PCDHA13: variants seen among roughly 807,000 people sequenced by gnomAD.
PCDHA13 encodes protocadherin alpha 13.
A neutral mutation model predicts 64.8 loss-of-function variants in PCDHA13; 54 were observed. The ratio of observed to expected loss-of-function variants is 0.83; its 90% CI spans 0.67 to 1.04. The LOEUF is 1.04. Ranked by LOEUF, PCDHA13 falls within the 50% of genes least tolerant of loss-of-function variation. PCDHA13 has a pLI of 0.00. For synonymous variants in PCDHA13, 587 were observed against 564.4 expected (o/e 1.04, Z -0.57); for missense variants, 1,248 against 1,254.3 (o/e 0.99, Z 0.08).
At chr5:140,947,647 A>G (rs1192426462) in intron 1 of PCDHA13, among the ~76,000 whole-genome samples, 1 of 151,646 alleles carries the variant, frequency 6.6e-6, no homozygotes, top group African/African-American at 2.4e-5. Flanking sequence ...ATGAACATAT[A>G]TACCTCCATT....
In PCDHA13 at chr5:140,884,346, T is replaced by G. The variant is rs1487079029; in HGVS notation, c.2078T>G (p.Leu693Arg). The G allele has an allele frequency of 6.2e-7, 1 of 1,613,896 alleles. No individual in the cohort carries two copies. Among genetic ancestry groups the G allele is most frequent in the Non-Finnish European group, 8.5e-7 (1 of 1,179,872 alleles). Residue 693 changes from leucine (L) to arginine (R), a missense_variant, in exon 1 of 4, where the codon CTG becomes CGG. Coordinates refer to ENST00000289272, the MANE Select transcript of PCDHA13 (RefSeq NM_018904.3). ...SAGAVGPEAA[L>R]VDVNVYLIIA... ...GGCGCTGTGGGTCCAGAAGCGGCGC[T>G]GGTGGATGTCAATGTTTACTTGATC...
At chr5:140,885,981 G>A (rs536900560) in intron 1 of PCDHA13, among the ~76,000 whole-genome samples, 44 of 151,942 alleles carry the variant, frequency 2.9e-4, no homozygotes, top group African/African-American at 8.4e-4. Context: ...TTATAGATTC[G>A]CATGTGGTTG....
intron 1 of PCDHA13, among the ~76,000 whole-genome samples, chr5:140,907,664 T>G (rs2073522534): frequency 6.6e-6 from 1 of 152,216 alleles, no homozygotes; most frequent in Non-Finnish European, 1.5e-5. Context: ...CAGCAGTGGC[T>G]GTAGCCAGGT....
intron 2 of PCDHA13, among the ~76,000 whole-genome samples, chr5:140,979,370 G>A (rs1247964519): frequency 6.6e-6 from 1 of 150,650 alleles, no homozygotes; most frequent in Non-Finnish European, 1.5e-5. Context: ...TGAGACTTGG[G>A]TACATTGTGC....
intron 1 of PCDHA13, chr5:140,928,173 C>T (rs1554205586): frequency 1.2e-6 from 2 of 1,614,170 alleles, no homozygotes; most frequent in Admixed American, 1.7e-5. Flanking sequence ...CACTTAGCAC[C>T]CGAAGGACAA....
At chr5:140,930,785 A>G (rs1485024316) in intron 1 of PCDHA13, among the ~76,000 whole-genome samples, 1 of 152,248 alleles carries the variant, frequency 6.6e-6, no homozygotes, top group Admixed American at 6.5e-5. Context: ...TTTTCACAAT[A>G]TAATAGAATC....
At chr5:140,907,873 CACTCA>C (rs2073658134) in intron 1 of PCDHA13, among the ~76,000 whole-genome samples, 1 of 152,226 alleles carries the variant, frequency 6.6e-6, no homozygotes, top group Non-Finnish European at 1.5e-5. Context: ...CGTTGGTGAG[CACTCA>C]CATGGGATAC....
chr5:140,945,183 A>G (rs1445694327), intron 1 of PCDHA13, among the ~76,000 whole-genome samples: 6 of 152,160 alleles, frequency 3.9e-5, no homozygotes, highest in Admixed American at 2.6e-4. Context: ...TAAATCAAGA[A>G]AACCATGCTA....
chr5:140,966,990 G>A, intron 1 of PCDHA13: 1 of 1,604,280 alleles, frequency 6.2e-7, no homozygotes, highest in Non-Finnish European at 8.5e-7. Context: ...TTGGGGCCGG[G>A]TTGCTTGCGC....
rs1193708084 is a variant in PCDHA13, at chr5:140,882,956, A to AT, written c.689dup (p.Thr231HisfsTer7). 3.1e-6 allele frequency: 5 copies of AT among 1,614,110 alleles called. No individual in the cohort carries two copies. In the African/African-American group the frequency reaches 6.7e-5, roughly 22 times the overall value. ...GCTGACTGGCACAGTTCAGCTGCTC[A>AT]TCACGATTCTGGACGTGAATGACAA... On this transcript the variant is annotated frameshift_variant, in exon 1 of 4. Transcript: ENST00000289272. LOFTEE classifies it high-confidence loss of function.
At chr5:140,965,903 A>T (rs73793545) in intron 1 of PCDHA13, among the ~76,000 whole-genome samples, 2,475 of 152,308 alleles carry the variant, frequency 0.016, 63 homozygotes, top group African/African-American at 0.056. Context: ...CTTGGATCCC[A>T]GGATGCTGGT....
At chr5:140,926,607 C>T (rs887450914) in intron 1 of PCDHA13, 1 of 348,974 alleles carries the variant, frequency 2.9e-6, no homozygotes, top group Non-Finnish European at 5.1e-6. Context: ...GGCCTCGTCT[C>T]TGCACCCCTA....
intron 1 of PCDHA13, among the ~76,000 whole-genome samples, chr5:140,950,569 T>C (rs969438550): frequency 1.3e-5 from 2 of 152,120 alleles, no homozygotes; most frequent in African/African-American, 2.4e-5. Context: ...TATTTTAAGG[T>C]TTTCTACTTA....
At chr5:140,934,528 G>C (rs782284913) in intron 1 of PCDHA13, among the ~76,000 whole-genome samples, 1 of 152,116 alleles carries the variant, frequency 6.6e-6, no homozygotes, top group African/African-American at 2.4e-5. Flanking sequence ...CACTTCGAGA[G>C]CTACCGTTCT....
chr5:140,955,698 T>C (rs1295764352), intron 1 of PCDHA13, among the ~76,000 whole-genome samples: 2 of 152,218 alleles, frequency 1.3e-5, no homozygotes, highest in South Asian at 2.1e-4. Context: ...TGAATGTCAA[T>C]GGAAGTTTAA....
At chr5:140,971,207 A>C (rs2096463327) in intron 1 of PCDHA13, among the ~76,000 whole-genome samples, 1 of 152,050 alleles carries the variant, frequency 6.6e-6, no homozygotes, top group South Asian at 2.1e-4. Flanking sequence ...AGACACTGTT[A>C]CCCTCCCTCT....
Position 140,928,944 on chromosome 5 carries a change from A to C in PCDHA13, c.2394+44282A>C, listed in dbSNP as rs782627710. The C allele has an allele frequency of 6.2e-6, 10 of 1,614,070 alleles. No homozygotes were observed. In the Admixed American group the frequency reaches 1.7e-4, roughly 27 times the overall value. On this transcript the variant is annotated intron_variant, in intron 1 of 3. Transcript: ENST00000289272. ...AGCTTTCTGCCCAGAACTTGTATTTAGTAATTGCCTTGGCTTGTATTTCCT... is the reference window on the plus strand; with the variant it reads ...AGCTTTCTGCCCAGAACTTGTATTTCGTAATTGCCTTGGCTTGTATTTCCT...
Position 140,917,330 on chromosome 5 carries a change from A to AG in PCDHA13, c.2394+32676dup, listed in dbSNP as rs1425400137. Among the ~76,000 whole-genome samples the AG allele has an allele frequency of 2.5e-4, 26 of 103,228 alleles. 2 individuals carry two copies. The highest frequency in any genetic ancestry group is 3.2e-4 in the East Asian group (1 of 3,132). The allele number at this position is 103,228 out of a possible 152,430, so 67.7% of individuals were successfully genotyped here. On this transcript the variant is annotated intron_variant, in intron 1 of 3. Coordinates refer to ENST00000289272, the MANE Select transcript of PCDHA13 (RefSeq NM_018904.3). Reference sequence around the variant, plus strand: ...CAATTTGGTGTTCATGTGGCGGGGGAGGGGGGGGATGGTGTAGGCTTCTGT... The same window carrying AG: ...CAATTTGGTGTTCATGTGGCGGGGGAGGGGGGGGGATGGTGTAGGCTTCTGT...
intron 1 of PCDHA13, among the ~76,000 whole-genome samples, chr5:140,940,595 G>A (rs1233586288): frequency 2.0e-5 from 3 of 152,100 alleles, no homozygotes; most frequent in East Asian, 1.9e-4. Context: ...TTTCAGGCAT[G>A]AGCCGCTGCT....
Sources: gnomAD v4.1 joint callset for allele counts (sites outside exome capture counted in the v4.1 genomes callset) on GRCh38, gnomAD v4.1.1 for gene constraint, MANE v1.5 for transcripts, NCBI Gene and HGNC (gene_info 2026-07-23, HGNC 2026-07-21) for gene names.